MBP: variants seen among roughly 807,000 people sequenced by gnomAD.
MBP encodes the protein Golli-MBP.
In MBP, 16 loss-of-function variants were observed where a neutral mutation model predicts 35.8. That is an observed-to-expected ratio of 0.45 (90% CI 0.30 to 0.68). The LOEUF (loss-of-function observed/expected upper bound fraction) is 0.68. MBP is among the 30% of genes least tolerant of loss of function. The pLI is 0.08. For synonymous variants in MBP, 143 were observed against 159.6 expected (o/e 0.90, Z 0.78); for missense variants, 380 against 404.7 (o/e 0.94, Z 0.52).
At chr18:76,992,397 G>C (rs538192569) in intron 4 of MBP, among the ~76,000 whole-genome samples, 1 of 152,080 alleles carries the variant, frequency 6.6e-6, no homozygotes, top group African/African-American at 2.4e-5. Context: ...AATCTCACTC[G>C]CCCGCTGCTC....
At chr18:77,022,638 A>G (rs751744358) in intron 3 of MBP, among the ~76,000 whole-genome samples, 1 of 152,266 alleles carries the variant, frequency 6.6e-6, no homozygotes, top group Non-Finnish European at 1.5e-5. Flanking sequence ...AATATAAATT[A>G]ATGCAAATGT....
At chr18:77,019,757 G>A (rs1055160606) in intron 3 of MBP, among the ~76,000 whole-genome samples, 10 of 152,320 alleles carry the variant, frequency 6.6e-5, no homozygotes, top group Middle Eastern at 3.4e-3. Context: ...GAGAGTCTGG[G>A]CCCTGCGAGG....
intron 7 of MBP, chr18:76,985,178 A>G (rs1322082242): frequency 3.4e-6 from 5 of 1,479,146 alleles, no homozygotes; most frequent in Non-Finnish European, 4.5e-6. Flanking sequence ...TTAAGGATCT[A>G]AGTCGTTTAG....
rs187591423 is a variant in MBP at position 77,107,811 on chromosome 18, T to G, written c.-25-2525A>C. ...AGTCCAGATCAGACTTTTGAATACA[T>G]CTTGTTGGATTTGACTAGTTAGACA... On this transcript the variant is annotated intron_variant, in intron 1 of 8. Transcript: ENST00000355994. Among the ~76,000 whole-genome samples, 28 of 152,338 alleles carry G rather than the reference T, an allele frequency of 1.8e-4. No individual in the cohort carries two copies. In the East Asian group the frequency reaches 5.0e-3, roughly 27 times the overall value.
At chr18:77,032,235 G>A (rs7234883) in intron 3 of MBP, among the ~76,000 whole-genome samples, 29,599 of 152,174 alleles carry the variant, frequency 0.19, 2,978 homozygotes, top group East Asian at 0.32. Context: ...GCTGTGCTTG[G>A]GGTCACCAGG....
intron 2 of MBP, among the ~76,000 whole-genome samples, chr18:77,098,168 C>CTTTATTTTTTTTTTTTTTTTTTTTTT (rs1975843388): frequency 9.2e-6 from 1 of 108,546 alleles, no homozygotes; most frequent in African/African-American, 3.4e-5. Context: ...CAAGGACTTC[C>CTTTATTTTTTTTTTTTTTTTTTTTTT]TTTTTTTTTT....
chr18:77,126,808 T>C (rs1977065701), intron 1 of MBP, among the ~76,000 whole-genome samples: 1 of 152,140 alleles, frequency 6.6e-6, no homozygotes, highest in African/African-American at 2.4e-5. Context: ...AATAAAACAC[T>C]TATGTACACT....
chr18:77,033,351 C>A (rs562246640), intron 3 of MBP, among the ~76,000 whole-genome samples: 3 of 152,242 alleles, frequency 2.0e-5, no homozygotes, highest in Non-Finnish European at 4.4e-5. Context: ...GGCTTGGTTG[C>A]CTCATTTGCA....
intron 3 of MBP, among the ~76,000 whole-genome samples, chr18:77,051,042 T>C (rs530508209): frequency 2.0e-5 from 3 of 152,114 alleles, no homozygotes; most frequent in Non-Finnish European, 4.4e-5. Flanking sequence ...AGACATAATT[T>C]TAAAAGTAAT....
chr18:77,002,787 G>A (rs1487662801), intron 4 of MBP: 2 of 152,206 alleles, frequency 1.3e-5, no homozygotes, highest in Admixed American at 6.5e-5. Flanking sequence ...GAAAGTCAGC[G>A]GCCTATGGGG....
intron 2 of MBP, among the ~76,000 whole-genome samples, chr18:77,074,255 G>A (rs867777459): frequency 6.6e-6 from 1 of 151,970 alleles, no homozygotes; most frequent in East Asian, 1.9e-4. Context: ...GCTGATGGTG[G>A]GGTCAGAAGA....
chr18:77,086,826 T>A (rs916688927), intron 2 of MBP, among the ~76,000 whole-genome samples: 1 of 152,228 alleles, frequency 6.6e-6, no homozygotes, highest in Non-Finnish European at 1.5e-5. Context: ...ATATTTTGTA[T>A]TCCAACAATG....
intron 3 of MBP, among the ~76,000 whole-genome samples, chr18:77,041,879 G>C (rs1159580564): frequency 2.0e-5 from 3 of 151,310 alleles, no homozygotes; most frequent in Admixed American, 6.6e-5. Context: ...GTATACATAT[G>C]TAACAAACCT....
intron 2 of MBP, among the ~76,000 whole-genome samples, chr18:77,100,134 A>G (rs935779082): frequency 6.6e-6 from 1 of 152,210 alleles, no homozygotes; most frequent in African/African-American, 2.4e-5. Flanking sequence ...TGGTGCCTTT[A>G]AAGAGGCCAT....
intron 4 of MBP, among the ~76,000 whole-genome samples, chr18:76,996,553 A>C (rs902215306): frequency 2.6e-5 from 4 of 152,034 alleles, no homozygotes; most frequent in Non-Finnish European, 4.4e-5. Flanking sequence ...AAAAATACAA[A>C]CTCTTGTTAC....
intron 2 of MBP, among the ~76,000 whole-genome samples, chr18:77,083,798 C>T (rs1186491396): frequency 2.6e-5 from 4 of 152,134 alleles, no homozygotes; most frequent in African/African-American, 7.2e-5. Flanking sequence ...TCTGAAAGAG[C>T]GAACCCTACA....
intron 1 of MBP, chr18:77,114,517 G>A (rs1976585296): frequency 6.6e-6 from 1 of 152,246 alleles, no homozygotes; most frequent in Non-Finnish European, 1.5e-5. Flanking sequence ...GTATCCACAT[G>A]TTTATGACAG....
At chr18:77,007,359 C>T (rs373545209) in intron 4 of MBP, among the ~76,000 whole-genome samples, 5 of 152,178 alleles carry the variant, frequency 3.3e-5, no homozygotes, top group African/African-American at 7.2e-5. Context: ...GGATTGCCAC[C>T]GTCTTCGGGC....
At chr18:77,014,698 CA>C (rs1363894143) in intron 4 of MBP, 1 of 985,310 alleles carries the variant, frequency 1.0e-6, no homozygotes, top group East Asian at 1.1e-4. Context: ...CCCATGTTTA[CA>C]ACACTTTGTG....
Sources: allele counts gnomAD v4.1 joint callset (sites outside exome capture counted in the v4.1 genomes callset), GRCh38; gene constraint gnomAD v4.1.1; transcripts MANE v1.5; gene names NCBI Gene and HGNC (gene_info 2026-07-23, HGNC 2026-07-21).